ERC2: variants seen among roughly 807,000 people sequenced by gnomAD.
ERC2 encodes ELKS/RAB6-interacting/CAST family member 2, also known as ERC protein 2.
A neutral mutation model predicts 114.8 loss-of-function variants in ERC2; 42 were observed. The observed-to-expected ratio is 0.37, with a 90% CI of 0.29 to 0.47. The LOEUF (loss-of-function observed/expected upper bound fraction) is 0.47. Ranked by LOEUF, ERC2 falls within the 20% of genes least tolerant of loss-of-function variation. ERC2 has a pLI of 0.99. For synonymous variants in ERC2, 454 were observed against 425.5 expected, an observed-to-expected ratio of 1.07 and a Z score of -0.82; for missense variants, 939 against 1,150.7, an observed-to-expected ratio of 0.82 and a Z score of 2.66.
intron 3 of ERC2, among the ~76,000 whole-genome samples, chr3:56,279,901 A>G (rs983161958): frequency 1.3e-5 from 2 of 152,230 alleles, no homozygotes; most frequent in Non-Finnish European, 2.9e-5. Context: ...AAGCTGAGTA[A>G]CGGACCCCCT....
At chr3:56,390,720 G>T (rs1447637146) in intron 2 of ERC2, among the ~76,000 whole-genome samples, 1 of 152,166 alleles carries the variant, frequency 6.6e-6, no homozygotes, top group Non-Finnish European at 1.5e-5. Flanking sequence ...TTAAGAGTTA[G>T]CTGGTTCATA....
intron 7 of ERC2, among the ~76,000 whole-genome samples, chr3:56,031,519 G>A (rs77964018): frequency 6.6e-6 from 1 of 152,348 alleles, no homozygotes; most frequent in Non-Finnish European, 1.5e-5. Context: ...GCTGAAGCCA[G>A]TCTGTAAAGA....
At chr3:56,032,167 C>T (rs1378453224) in intron 7 of ERC2, among the ~76,000 whole-genome samples, 1 of 152,222 alleles carries the variant, frequency 6.6e-6, no homozygotes, top group Non-Finnish European at 1.5e-5. Flanking sequence ...ACCATGCTGA[C>T]ACCAGCATCA....
intron 17 of ERC2, among the ~76,000 whole-genome samples, chr3:55,516,334 G>A (rs550914317): frequency 2.0e-5 from 3 of 151,916 alleles, no homozygotes; most frequent in Admixed American, 1.3e-4. Context: ...TGGGTTTCCC[G>A]TTTTCCTCAT....
chr3:56,270,116 T>C (rs1230006516), intron 3 of ERC2, among the ~76,000 whole-genome samples: 1 of 151,536 alleles, frequency 6.6e-6, no homozygotes, highest in Admixed American at 6.6e-5. Context: ...GGCATAATTG[T>C]CAATTAGCTG....
intron 2 of ERC2, among the ~76,000 whole-genome samples, chr3:56,313,392 C>T (rs116592488): frequency 0.026 from 4,021 of 151,962 alleles, 99 homozygotes; most frequent in Non-Finnish European, 0.038. Flanking sequence ...TGATGGGAGG[C>T]GAGAGCATTA....
intron 3 of ERC2, among the ~76,000 whole-genome samples, chr3:56,215,022 C>T (rs2049355758): frequency 6.6e-6 from 1 of 152,166 alleles, no homozygotes; most frequent in South Asian, 2.1e-4. Flanking sequence ...CAACCGGTAC[C>T]AGCCACTGCA....
intron 7 of ERC2, among the ~76,000 whole-genome samples, chr3:56,051,826 AAC>A (rs370057271): frequency 0.077 from 9,967 of 129,758 alleles, 323 homozygotes; most frequent in Middle Eastern, 0.1. Context: ...CTCCATCTCA[AAC>A]ACACACACAC....
chr3:55,940,479 C>T (rs971424890), intron 13 of ERC2, among the ~76,000 whole-genome samples: 8 of 152,044 alleles, frequency 5.3e-5, no homozygotes, highest in Non-Finnish European at 1.2e-4. Flanking sequence ...CAGCTGCAGC[C>T]ACAACTTCAT....
chr3:56,117,848 C>A (rs910082572), intron 6 of ERC2, among the ~76,000 whole-genome samples: 1 of 152,164 alleles, frequency 6.6e-6, no homozygotes, highest in Admixed American at 6.5e-5. Context: ...CAACAACAGG[C>A]TGGAGGAAGG....
chr3:56,355,962 C>T (rs1461722776), intron 2 of ERC2, among the ~76,000 whole-genome samples: 1 of 152,128 alleles, frequency 6.6e-6, no homozygotes, highest in African/African-American at 2.4e-5. Context: ...ATCTTGATTA[C>T]ACCCAATTAG....
intron 14 of ERC2, among the ~76,000 whole-genome samples, chr3:55,884,576 G>T (rs956620926): frequency 6.6e-6 from 1 of 151,986 alleles, no homozygotes; most frequent in African/African-American, 2.4e-5. Context: ...CAAATGGAAA[G>T]ACATTTCAGT....
At chr3:55,791,778 T>G (rs1182674648) in intron 14 of ERC2, among the ~76,000 whole-genome samples, 2 of 152,210 alleles carry the variant, frequency 1.3e-5, no homozygotes, top group Non-Finnish European at 2.9e-5. Flanking sequence ...AGGACCAGCT[T>G]TAAGAACAAA....
intron 4 of ERC2, among the ~76,000 whole-genome samples, chr3:56,169,652 C>A (rs1177830904): frequency 6.6e-6 from 1 of 152,072 alleles, no homozygotes; most frequent in Non-Finnish European, 1.5e-5. Context: ...TGAAGCAATA[C>A]CCCTGTTTTT....
chr3:56,196,084 C>T (rs2048083687), intron 3 of ERC2, among the ~76,000 whole-genome samples: 1 of 152,022 alleles, frequency 6.6e-6, no homozygotes, highest in Non-Finnish European at 1.5e-5. Context: ...AATTACTGTT[C>T]TAGGTCTTCT....
intron 17 of ERC2, among the ~76,000 whole-genome samples, chr3:55,575,099 C>T (rs1476193443): frequency 6.6e-6 from 1 of 152,202 alleles, no homozygotes; most frequent in Non-Finnish European, 1.5e-5. Context: ...CTGCAACCTC[C>T]GCCCTCCTGG....
chr3:55,885,220 AATG>A (rs1376973448), intron 14 of ERC2, among the ~76,000 whole-genome samples: 4 of 152,214 alleles, frequency 2.6e-5, no homozygotes, highest in African/African-American at 7.2e-5. Flanking sequence ...ACTCACCAAC[AATG>A]ATAATACCCA....
intron 14 of ERC2, among the ~76,000 whole-genome samples, chr3:55,827,168 C>T (rs866680053): frequency 3.3e-5 from 5 of 151,322 alleles, no homozygotes; most frequent in Admixed American, 6.6e-5. Flanking sequence ...TGGCCTTTTT[C>T]CAGTATATTT....
chr3:56,425,944 G>A (rs1161288174), intron 2 of ERC2, among the ~76,000 whole-genome samples: 2 of 152,170 alleles, frequency 1.3e-5, no homozygotes, highest in Admixed American at 1.3e-4. Context: ...CACGTCTCTG[G>A]ACTTGTCTAT....
Sources: gnomAD v4.1 joint callset for allele counts (sites outside exome capture counted in the v4.1 genomes callset) on GRCh38, gnomAD v4.1.1 for gene constraint, MANE v1.5 for transcripts, NCBI Gene and HGNC (gene_info 2026-07-23, HGNC 2026-07-21) for gene names.